ZBTB10: variants seen among roughly 807,000 people sequenced by gnomAD.
The protein encoded by ZBTB10 is zinc finger and BTB domain-containing protein 10.
Under a neutral mutation model 76.4 loss-of-function variants are expected in ZBTB10, and 32 were observed. The observed-to-expected ratio is 0.42, with a 90% CI of 0.32 to 0.56. ZBTB10 has a LOEUF of 0.56. ZBTB10 is among the 20% of genes least tolerant of loss of function. The pLI is 0.14. For missense variants in ZBTB10, 1,057 were observed against 1,098.5 expected, an observed-to-expected ratio of 0.96 and a Z score of 0.53; for synonymous variants, 523 against 432.9, an observed-to-expected ratio of 1.21 and a Z score of -2.58.
rs1162237677 is a variant in ZBTB10 at position 80,523,107 on chromosome 8, T to C, written c.*3579T>C. Reference sequence around the variant, plus strand: ...TTACCTTAATCCTCTATAAGGTAGGTGCTAATTGTCTCCATTTTATAGATG... The same window carrying C: ...TTACCTTAATCCTCTATAAGGTAGGCGCTAATTGTCTCCATTTTATAGATG... On this transcript the variant is annotated 3_prime_UTR_variant, in exon 6 of 6. Transcript: ENST00000455036. 1.3e-5 allele frequency: 2 copies of C among 151,790 alleles called. No individual in the cohort carries two copies. Among genetic ancestry groups the C allele is most frequent in the Non-Finnish European group, 2.9e-5 (2 of 67,828 alleles). The allele number at this position is 151,790 out of a possible 1,614,324, so 9.4% of individuals were successfully genotyped here.
intron 1 of ZBTB10, among the ~76,000 whole-genome samples, chr8:80,497,798 A>G: frequency 6.7e-6 from 1 of 148,918 alleles, no homozygotes; most frequent in South Asian, 2.1e-4. Flanking sequence ...AGTAGCTGAC[A>G]TTACAGGCGT....
At chr8:80,504,973 GC>G in intron 2 of ZBTB10, among the ~76,000 whole-genome samples, 1 of 152,210 alleles carries the variant, frequency 6.6e-6, no homozygotes, top group East Asian at 1.9e-4. Flanking sequence ...ACTTTATTTT[GC>G]GGGCTCATGG....
At chr8:80,497,662 A>AGTT (rs1815820514) in intron 1 of ZBTB10, among the ~76,000 whole-genome samples, 1 of 149,054 alleles carries the variant, frequency 6.7e-6, no homozygotes, top group Non-Finnish European at 1.5e-5. Context: ...ACAGTGAAAC[A>AGTT]GTTGAAGTGT....
intron 2 of ZBTB10, among the ~76,000 whole-genome samples, chr8:80,505,451 G>A (rs1027814720): frequency 3.3e-5 from 5 of 151,838 alleles, no homozygotes; most frequent in Non-Finnish European, 5.9e-5. Context: ...TTTTCCTTAT[G>A]CCATACGAAT....
chr8:80,489,357 A>G (rs1815565541), intron 1 of ZBTB10, among the ~76,000 whole-genome samples: 1 of 152,244 alleles, frequency 6.6e-6, no homozygotes, highest in Non-Finnish European at 1.5e-5. Context: ...GTTAAGTAAC[A>G]TTCCTGAAGT....
intron 2 of ZBTB10, among the ~76,000 whole-genome samples, chr8:80,505,180 G>A (rs1004369879): frequency 1.3e-5 from 2 of 152,128 alleles, no homozygotes; most frequent in African/African-American, 4.8e-5. Flanking sequence ...TATAAATGTG[G>A]TTGCCCTAAT....
chr8:80,488,612 C>G (rs1350223086), intron 1 of ZBTB10, among the ~76,000 whole-genome samples: 3 of 152,132 alleles, frequency 2.0e-5, no homozygotes, highest in Non-Finnish European at 4.4e-5. Context: ...TACCAAACAC[C>G]GTGAAAGTGC....
At chr8:80,487,817 T>C in intron 1 of ZBTB10, 35 bp downstream of exon 1, 4 of 1,519,004 alleles carry the variant, frequency 2.6e-6, no homozygotes, top group Middle Eastern at 3.6e-4. Flanking sequence ...TTTTGAGATC[T>C]TTTAGGGAAA....
intron 2 of ZBTB10, among the ~76,000 whole-genome samples, chr8:80,508,875 T>A (rs1256261960): frequency 2.0e-5 from 3 of 152,180 alleles, no homozygotes; most frequent in South Asian, 4.1e-4. Flanking sequence ...GTGGTTTTTT[T>A]AACTAGAGAT....
At chr8:80,491,146 C>G (rs562798983) in intron 1 of ZBTB10, among the ~76,000 whole-genome samples, 31 of 152,304 alleles carry the variant, frequency 2.0e-4, no homozygotes, top group Admixed American at 4.6e-4. Context: ...AGAGCAGCTT[C>G]CAGGTATGCC....
chr8:80,512,549 A>G (rs1168337753), intron 2 of ZBTB10, among the ~76,000 whole-genome samples: 1 of 152,114 alleles, frequency 6.6e-6, no homozygotes, highest in Admixed American at 6.5e-5. Flanking sequence ...TGTCTCTACA[A>G]AAAATTACAA....
intron 3 of ZBTB10, among the ~76,000 whole-genome samples, chr8:80,517,939 C>T (rs528135873): frequency 9.5e-5 from 12 of 126,622 alleles, no homozygotes; most frequent in Non-Finnish European, 1.7e-4. Context: ...AGTGCAGTGG[C>T]GCAATCTTGA....
chr8:80,503,027 AT>A (rs1720365037), intron 2 of ZBTB10, among the ~76,000 whole-genome samples: 2 of 152,160 alleles, frequency 1.3e-5, no homozygotes, highest in African/African-American at 4.8e-5. Context: ...TCTACAGGTA[AT>A]TTTATGAGTT....
intron 2 of ZBTB10, among the ~76,000 whole-genome samples, chr8:80,506,430 T>C (rs1400710500): frequency 6.6e-6 from 1 of 152,060 alleles, no homozygotes; most frequent in Non-Finnish European, 1.5e-5. Context: ...TTCTCCTGCC[T>C]CAGCCTCCCG....
At chr8:80,505,384 G>A (rs114498415) in intron 2 of ZBTB10, among the ~76,000 whole-genome samples, 2,513 of 152,174 alleles carry the variant, frequency 0.017, 74 homozygotes, top group African/African-American at 0.058. Flanking sequence ...TGCAGCAGTC[G>A]ATTATTATAT....
intron 3 of ZBTB10, among the ~76,000 whole-genome samples, chr8:80,517,866 G>A (rs371612766): frequency 1.7e-5 from 2 of 117,042 alleles, no homozygotes; most frequent in African/African-American, 3.7e-5. Flanking sequence ...TCTCCCGCCC[G>A]CCACCTTTTT....
intron 1 of ZBTB10, among the ~76,000 whole-genome samples, chr8:80,494,069 C>G (rs1033313256): frequency 2.6e-5 from 4 of 152,186 alleles, no homozygotes; most frequent in African/African-American, 9.7e-5. Context: ...TGTCTTCCTT[C>G]TATAAAATGA....
chr8:80,516,910 AAAATGTATTATTGCTGCTTGAGTG>A (rs1816338272), intron 3 of ZBTB10, among the ~76,000 whole-genome samples: 1 of 152,150 alleles, frequency 6.6e-6, no homozygotes, highest in South Asian at 2.1e-4. Flanking sequence ...CCATGGGAGG[AAAATGTATTATTGCTGCTTGAGTG>A]AACTGTATCT....
At chr8:80,506,792 A>G (rs1430814287) in intron 2 of ZBTB10, among the ~76,000 whole-genome samples, 5 of 152,218 alleles carry the variant, frequency 3.3e-5, no homozygotes, top group Non-Finnish European at 5.9e-5. Context: ...CTCACGTAAC[A>G]GATTTATGGA....
Sources: allele counts gnomAD v4.1 joint callset (sites outside exome capture counted in the v4.1 genomes callset), GRCh38; gene constraint gnomAD v4.1.1; transcripts MANE v1.5; gene names NCBI Gene and HGNC (gene_info 2026-07-23, HGNC 2026-07-21).